The following LRP3 variants were observed in gnomAD, a reference collection of about 807,000 sequenced individuals.
LRP3 encodes the protein LDL receptor related protein 3.
A neutral mutation model predicts 58.5 loss-of-function variants in LRP3; 49 were observed. The observed-to-expected ratio is 0.84, with a 90% CI of 0.67 to 1.06. The LOEUF (loss-of-function observed/expected upper bound fraction) is 1.06, where lower values mean the gene tolerates loss of function less well. LRP3 is among the 50% of genes least tolerant of loss of function. The pLI, the probability that LRP3 is intolerant of heterozygous loss-of-function variation, is 0.00. For missense variants in LRP3, 1,019 were observed against 1,134.2 expected (o/e 0.90, Z 1.46); for synonymous variants, 485 against 492.2 (o/e 0.99, Z 0.20).
At chr19:33,206,881 GTC>G in intron 6 of LRP3, 105 bp from the exon 7 acceptor site, 3 of 1,193,024 alleles carry the variant, frequency 2.5e-6, no homozygotes, top group Non-Finnish European at 3.4e-6. Context: ...GGACAAGGTG[GTC>G]TCTCGGGTCT....
At chr19:33,199,368 G>T (rs142529786) in intron 2 of LRP3, among the ~76,000 whole-genome samples, 2 of 152,034 alleles carry the variant, frequency 1.3e-5, no homozygotes, top group Admixed American at 1.3e-4. Flanking sequence ...CAGCACTTTG[G>T]GAGGCTGAGG....
In LRP3 at chr19:33,205,943, C is replaced by T. The variant is rs1974402371; in HGVS notation, c.1173C>T (p.Cys391=). ...GGGGCAGCCTGGGCGACCAGGGCTGCTTCTCAGAGCCACAGCGCTGTGATG... is the reference window on the plus strand; with the variant it reads ...GGGGCAGCCTGGGCGACCAGGGCTGTTTCTCAGAGCCACAGCGCTGTGATG... The part of the protein sequence containing the change: ...SDGGSLGDQG[C]FSEPQRCDGW... Residue 391 remains cysteine, a synonymous_variant, in exon 5 of 7, where the codon TGC becomes TGT. Coordinates refer to ENST00000253193, the MANE Select transcript of LRP3 (RefSeq NM_002333.4). 1 of 1,593,418 alleles carries T rather than the reference C, an allele frequency of 6.3e-7. No homozygotes were observed. Among genetic ancestry groups the T allele is most frequent in the African/African-American group, 1.3e-5 (1 of 74,690 alleles).
Position 33,206,946 on chromosome 19 carries a change from C to G in LRP3, c.1726-42C>G. On this transcript the variant is annotated intron_variant, in intron 6 of 6. Transcript: ENST00000253193. ...TGCCCCTGAGCAGCCTGTCTGCCCCCTCAGCCGCATCCCCCCGCCCCTACC... is the reference window on the plus strand; with the variant it reads ...TGCCCCTGAGCAGCCTGTCTGCCCCGTCAGCCGCATCCCCCCGCCCCTACC... The G allele has an allele frequency of 4.3e-6, 6 of 1,390,030 alleles. No individual in the cohort carries two copies. The East Asian group carries it at 7.9e-5, about 18-fold the overall frequency. The allele number at this position is 1,390,030 out of a possible 1,614,324, so 86.1% of individuals were successfully genotyped here.
At chr19:33,203,122 T>C (rs1974359515) in intron 3 of LRP3, 136 bp downstream of exon 3, 1 of 1,082,540 alleles carries the variant, frequency 9.2e-7, no homozygotes, top group East Asian at 2.6e-5. Context: ...TGTGGGATCA[T>C]GTGCATGTGT....
At chr19:33,194,892 T>TC in intron 1 of LRP3, 34 bp downstream of exon 1, 1 of 1,061,984 alleles carries the variant, frequency 9.4e-7, no homozygotes, top group Non-Finnish European at 1.2e-6. Flanking sequence ...CAGGTCCGGG[T>TC]CCCCCGCATG....
At chr19:33,196,678 G>C in intron 1 of LRP3, 52 bp from the exon 2 acceptor site, 1 of 1,559,892 alleles carries the variant, frequency 6.4e-7, no homozygotes, top group Non-Finnish European at 8.8e-7. Context: ...GGCTGCTGCT[G>C]GTCCCCAGCA....
In LRP3 at chr19:33,205,311, G is replaced by A. The variant is rs767709489; in HGVS notation, c.541G>A (p.Gly181Ser). 6.2e-6 allele frequency: 10 copies of A among 1,611,830 alleles called. No homozygotes were observed. The East Asian group carries it at 6.7e-5, about 11-fold the overall frequency. Residue 181 changes from glycine to serine, a missense_variant, in exon 5 of 7, where the codon GGC becomes AGC. By Grantham distance (56) the Gly-to-Ser change is moderately conservative (BLOSUM62 0). Transcript: ENST00000253193. ...FRCDNGKCLP[G>S]PWQCNTVDEC... ...CTGTGACAACGGCAAGTGCCTGCCCGGCCCGTGGCAGTGCAACACGGTGGA... is the reference window on the plus strand; with the variant it reads ...CTGTGACAACGGCAAGTGCCTGCCCAGCCCGTGGCAGTGCAACACGGTGGA...
intron 5 of LRP3, 50 bp from the exon 6 acceptor site, chr19:33,206,551 T>C: frequency 6.3e-7 from 1 of 1,592,592 alleles, no homozygotes; most frequent in Non-Finnish European, 8.6e-7. Flanking sequence ...TTGTTCCTGC[T>C]GCAGGTCCCG....
At chr19:33,204,928 C>T (rs191364177) in intron 4 of LRP3, 76 bp downstream of exon 4, 41 of 1,376,394 alleles carry the variant, frequency 3.0e-5, no homozygotes, top group Admixed American at 2.4e-4. Context: ...CCCACAGGGG[C>T]GGCACCCTCC....
chr19:33,206,720 A>C lies in LRP3; in HGVS notation c.1712A>C (p.Tyr571Ser). ...CCACCCGTGGAGGACTTTCCTGTCT[A>C]CAGTGCGTCCCAGGTGAGCCCCCGG... ...LIPPVEDFPV[Y>S]SASQASVLQN... The change falls in exon 6 of 7, where the codon TAC (tyrosine) becomes TCC (serine). Residue 571 changes from tyrosine (Y) to serine (S), a missense_variant. Tyr to Ser is a moderately radical substitution (Grantham distance 144). Around this residue, in one of 2 missense-constraint regions of LRP3, gnomAD observed 427 missense variants for 408.6 expected, o/e 1.04. Transcript: ENST00000253193. 1 of 1,528,230 alleles carries C rather than the reference A, an allele frequency of 6.5e-7. No individual in the cohort carries two copies. Among genetic ancestry groups the C allele is most frequent in the South Asian group, 1.3e-5 (1 of 77,874 alleles). The allele number at this position is 1,528,230 out of a possible 1,614,324, so 94.7% of individuals were successfully genotyped here.
Position 33,205,978 on chromosome 19 carries a change from A to G in LRP3, c.1208A>G (p.His403Arg), listed in dbSNP as rs1206289242. 2 of 1,580,042 alleles carry G rather than the reference A, an allele frequency of 1.3e-6. No homozygotes were observed. Among genetic ancestry groups the G allele is most frequent in the Non-Finnish European group, 1.7e-6 (2 of 1,162,936 alleles). Residue 403 changes from histidine to arginine, a missense_variant, in exon 5 of 7, where the codon CAT (histidine) becomes CGT (arginine). Physicochemically the swap from His to Arg is conservative, Grantham distance 29 (BLOSUM62 0). Around this residue, in one of 2 missense-constraint regions of LRP3, gnomAD observed 592 missense variants for 725.5 expected, o/e 0.82. Coordinates refer to ENST00000253193, the MANE Select transcript of LRP3 (RefSeq NM_002333.4). ...SEPQRCDGWW[H>R]CASGRDEQGC... ...CCACAGCGCTGTGATGGCTGGTGGC[A>G]TTGTGCCAGCGGCCGAGACGAGCAG...
In LRP3 at chr19:33,205,423, C is replaced by G; in HGVS notation, c.653C>G (p.Pro218Arg). The change falls in exon 5 of 7, where the codon CCA (proline) becomes CGA (arginine). Residue 218 changes from proline to arginine, a missense_variant. Pro to Arg is a moderately radical substitution (Grantham distance 103, BLOSUM62 -2). Around this residue, in one of 2 missense-constraint regions of LRP3, gnomAD observed 592 missense variants for 725.5 expected, o/e 0.82. Coordinates refer to ENST00000253193, the MANE Select transcript of LRP3 (RefSeq NM_002333.4). ...PGSLCPGGTF[P>R]CSGARSTRCL... ...AGCCTGTGCCCCGGGGGGACCTTCC[C>G]ATGCAGCGGGGCGCGCTCCACGCGC... 6.3e-7 allele frequency: 1 copy of G among 1,593,018 alleles called. No homozygotes were observed. Among genetic ancestry groups the G allele is most frequent in the Non-Finnish European group, 8.6e-7 (1 of 1,169,504 alleles).
In LRP3 at chr19:33,194,806, G is replaced by C; in HGVS notation, c.21G>C (p.Ala7=). 1 of 1,060,056 alleles carries C rather than the reference G, an allele frequency of 9.4e-7. No homozygotes were observed. The highest frequency in any genetic ancestry group is 1.1e-6 in the Non-Finnish European group (1 of 879,264). The allele number at this position is 1,060,056 out of a possible 1,614,324, so 65.7% of individuals were successfully genotyped here. MEKRAA[A]GLEGAPGARA... ...CCGGCATGGAGAAGCGCGCGGCCGC[G>C]GGGCTGGAGGGCGCGCCGGGCGCCC... The change falls in exon 1 of 7, where the codon GCG becomes GCC. Residue 7 remains alanine, a synonymous_variant. Coordinates refer to ENST00000253193, the MANE Select transcript of LRP3 (RefSeq NM_002333.4).
intron 6 of LRP3, 48 bp from the exon 7 acceptor site, chr19:33,206,940 T>G: frequency 1.5e-6 from 2 of 1,352,278 alleles, no homozygotes. Flanking sequence ...GCAGCCTGTC[T>G]GCCCCCTCAG....
At chr19:33,205,031 C>T in intron 4 of LRP3, 179 bp downstream of exon 4, 1 of 742,262 alleles carries the variant, frequency 1.3e-6, no homozygotes, top group Non-Finnish European at 2.2e-6. Context: ...TTGGACCTCT[C>T]AAGGTCACTG....
In LRP3 at chr19:33,194,464, G is replaced by T. The variant is rs1204159543; in HGVS notation, c.-322G>T. The T allele has an allele frequency of 6.9e-6, 1 of 144,174 alleles. No homozygotes were observed. The highest frequency in any genetic ancestry group is 2.5e-5 in the African/African-American group (1 of 40,270). 8.9% of individuals were successfully genotyped at this position (144,174 alleles called of 1,614,324 possible). ...GCGCGCCGGGGGTCCCCGGGCCCAG[G>T]CCGGCCGCGGCGGGGCTCCCGGGGC... is the stretch of plus-strand genomic sequence containing the variant. On this transcript the variant is annotated 5_prime_UTR_variant, in exon 1 of 7. Coordinates refer to ENST00000253193, the MANE Select transcript of LRP3 (RefSeq NM_002333.4).
At chr19:33,195,774 C>A (rs1183033282) in intron 1 of LRP3, among the ~76,000 whole-genome samples, 1 of 152,208 alleles carries the variant, frequency 6.6e-6, no homozygotes, top group Non-Finnish European at 1.5e-5. Flanking sequence ...GTAACCCCAG[C>A]GCGCCCACCC....
rs576973655 is a variant in LRP3, at chr19:33,206,946, C to A, written c.1726-42C>A. On this transcript the variant is annotated intron_variant, in intron 6 of 6. Transcript: ENST00000253193. Reference sequence around the variant, plus strand: ...TGCCCCTGAGCAGCCTGTCTGCCCCCTCAGCCGCATCCCCCCGCCCCTACC... The same window carrying A: ...TGCCCCTGAGCAGCCTGTCTGCCCCATCAGCCGCATCCCCCCGCCCCTACC... 1.7e-5 allele frequency: 24 copies of A among 1,390,026 alleles called. No individual in the cohort carries two copies. The East Asian group carries it at 4.2e-4, about 24-fold the overall frequency. The allele number at this position is 1,390,026 out of a possible 1,614,324, so 86.1% of individuals were successfully genotyped here.
rs1165974290 is a variant in LRP3, at chr19:33,205,458, G to C, written c.688G>C (p.Val230Leu). ...SGARSTRCLP[V>L]ERRCDGLQDC... is the part of the protein sequence containing the mutation. ...GGCGCGCTCCACGCGCTGCCTGCCT[G>C]TGGAGCGGCGCTGTGACGGCTTGCA... Residue 230 changes from valine to leucine, a missense_variant, in exon 5 of 7, where the codon GTG becomes CTG. Transcript: ENST00000253193. 2 of 1,585,844 alleles carry C rather than the reference G, an allele frequency of 1.3e-6. No individual in the cohort carries two copies. Among genetic ancestry groups the C allele is most frequent in the African/African-American group, 1.3e-5 (1 of 74,492 alleles).
Sources: allele counts gnomAD v4.1 joint callset (sites outside exome capture counted in the v4.1 genomes callset), GRCh38; gene constraint gnomAD v4.1.1; regional missense constraint gnomAD v4.1.1; transcripts MANE v1.5; gene names NCBI Gene and HGNC (gene_info 2026-07-23, HGNC 2026-07-21).